Variants in QKI observed in about 807,000 individuals in gnomAD.
The protein encoded by QKI is QKI, KH domain containing RNA binding.
A neutral mutation model predicts 39.0 loss-of-function variants in QKI; 10 were observed. That is an observed-to-expected ratio of 0.26 (90% CI 0.16 to 0.43). The LOEUF is 0.43. QKI is among the 20% of genes least tolerant of loss of function. The pLI, the probability that QKI is intolerant of heterozygous loss-of-function variation, is 1.00. For missense variants in QKI, 218 were observed against 428.0 expected (o/e 0.51, Z 4.33); for synonymous variants, 204 against 155.4 (o/e 1.31, Z -2.33).
At chr6:163,448,652 G>A (rs1400749264) in intron 1 of QKI, among the ~76,000 whole-genome samples, 6 of 152,120 alleles carry the variant, frequency 3.9e-5, no homozygotes, top group African/African-American at 7.2e-5. Flanking sequence ...CAGGAGAATC[G>A]CTTGAACCCA....
At chr6:163,418,074 T>G (rs147466785) in intron 1 of QKI, among the ~76,000 whole-genome samples, 4 of 152,078 alleles carry the variant, frequency 2.6e-5, no homozygotes, top group Non-Finnish European at 5.9e-5. Flanking sequence ...ATCATGACTT[T>G]TGTTTCTGGT....
At position 163,570,821 on chromosome 6, in the gene QKI, G is replaced by GC; in HGVS notation, c.*112dup. The GC allele has an allele frequency of 7.2e-7, 1 of 1,397,350 alleles. No homozygotes were observed. 86.6% of individuals were successfully genotyped at this position (1,397,350 alleles called of 1,614,324 possible). A position where few individuals can be genotyped will look rare whatever the true frequency, so the allele number is the denominator to read the frequency against. The stretch of plus-strand genomic sequence containing the variant: ...TGCTTGCCTGTCGTCAGTGCAGCGA[G>GC]CTGAGGCACTTGTCCGTTCGTCTTA... On this transcript the variant is annotated 3_prime_UTR_variant, in exon 8 of 8. Transcript: ENST00000361752.
intron 3 of QKI, among the ~76,000 whole-genome samples, chr6:163,516,643 A>G (rs931689164): frequency 6.6e-6 from 1 of 151,992 alleles, no homozygotes; most frequent in Non-Finnish European, 1.5e-5. Context: ...CTTTCAATAT[A>G]CCTTTAATAC....
At chr6:163,546,217 T>G (rs1002520825) in intron 4 of QKI, among the ~76,000 whole-genome samples, 1 of 151,736 alleles carries the variant, frequency 6.6e-6, no homozygotes, top group African/African-American at 2.4e-5. Flanking sequence ...GGCGAGTGAT[T>G]TCTCAGTGTA....
chr6:163,528,349 T>A (rs1562515707), intron 3 of QKI, among the ~76,000 whole-genome samples: 1 of 152,172 alleles, frequency 6.6e-6, no homozygotes, highest in Non-Finnish European at 1.5e-5. Flanking sequence ...TTCACTATTT[T>A]ATGATGCTGT....
intron 3 of QKI, among the ~76,000 whole-genome samples, chr6:163,505,182 G>A (rs1454819199): frequency 1.3e-5 from 2 of 152,290 alleles, no homozygotes; most frequent in Admixed American, 1.3e-4. Flanking sequence ...TTCAGAGAAA[G>A]TATGGAAACG....
At chr6:163,473,847 T>C (rs1792382024) in intron 2 of QKI, among the ~76,000 whole-genome samples, 2 of 152,094 alleles carry the variant, frequency 1.3e-5, no homozygotes, top group Non-Finnish European at 2.9e-5. Flanking sequence ...AGAATAACCT[T>C]GATACCAAAA....
chr6:163,432,270 T>TC (rs1200485903), intron 1 of QKI, among the ~76,000 whole-genome samples: 1 of 152,192 alleles, frequency 6.6e-6, no homozygotes, highest in Non-Finnish European at 1.5e-5. Flanking sequence ...ACAAAGGCTC[T>TC]CCTAGGTAGT....
chr6:163,447,974 T>A (rs1449439302), intron 1 of QKI, among the ~76,000 whole-genome samples: 1 of 152,142 alleles, frequency 6.6e-6, no homozygotes, highest in African/African-American at 2.4e-5. Context: ...CTTTTTTGAC[T>A]TTGTTGTGTC....
intron 3 of QKI, among the ~76,000 whole-genome samples, chr6:163,480,300 T>C (rs528026647): frequency 2.0e-5 from 3 of 152,002 alleles, no homozygotes; most frequent in Non-Finnish European, 4.4e-5. Context: ...TTCCTTCCTT[T>C]CTTTCCATTG....
At chr6:163,501,470 C>T (rs555088140) in intron 3 of QKI, among the ~76,000 whole-genome samples, 1 of 152,302 alleles carries the variant, frequency 6.6e-6, no homozygotes, top group South Asian at 2.1e-4. Flanking sequence ...ACTAAGTGAA[C>T]TGTAGCTACT....
chr6:163,465,644 A>AG (rs1791684755), intron 2 of QKI, among the ~76,000 whole-genome samples: 2 of 148,706 alleles, frequency 1.3e-5, no homozygotes. Context: ...AAAAAAAAAA[A>AG]GTAAAAGACA....
chr6:163,515,266 A>C (rs1171403054), intron 3 of QKI, among the ~76,000 whole-genome samples: 3 of 152,176 alleles, frequency 2.0e-5, no homozygotes, highest in African/African-American at 7.2e-5. Context: ...CACACAAGTC[A>C]GTGTAAATAG....
At chr6:163,472,208 TTACAA>T (rs1792254680) in intron 2 of QKI, among the ~76,000 whole-genome samples, 1 of 152,142 alleles carries the variant, frequency 6.6e-6, no homozygotes, top group Admixed American at 6.5e-5. Context: ...CACTGTATTC[TTACAA>T]TAAAATAAGC....
At chr6:163,487,417 C>T (rs1777752031) in intron 3 of QKI, among the ~76,000 whole-genome samples, 1 of 152,140 alleles carries the variant, frequency 6.6e-6, no homozygotes, top group Non-Finnish European at 1.5e-5. Context: ...AAATAGAACT[C>T]TAATGATAAC....
chr6:163,444,659 C>T lies in QKI; in HGVS notation c.143-10620C>T, dbSNP rs565117301. Among the ~76,000 whole-genome samples, 19 of 152,128 alleles carry T rather than the reference C, an allele frequency of 1.2e-4. No individual in the cohort carries two copies. In the East Asian group the frequency reaches 1.7e-3, roughly 14 times the overall value. On this transcript the variant is annotated intron_variant, in intron 1 of 7. Transcript: ENST00000361752. ...GGATATTTATTTTGGAGAAGAGTAA[C>T]GAATATATTAAGCACTTATATTTAA...
intron 4 of QKI, among the ~76,000 whole-genome samples, chr6:163,553,028 A>G (rs1782347667): frequency 6.8e-6 from 1 of 147,132 alleles, no homozygotes; most frequent in Non-Finnish European, 1.5e-5. Flanking sequence ...ATTTTTAGAT[A>G]GTCATAATTT....
chr6:163,480,565 CTTA>C (rs1162823943), intron 3 of QKI, among the ~76,000 whole-genome samples: 5 of 152,042 alleles, frequency 3.3e-5, no homozygotes, highest in African/African-American at 1.2e-4. Context: ...ATTTAAAAAT[CTTA>C]TTATAATGTA....
chr6:163,548,061 C>T (rs1195990194), intron 4 of QKI, among the ~76,000 whole-genome samples: 2 of 152,086 alleles, frequency 1.3e-5, no homozygotes, highest in Admixed American at 6.6e-5. Flanking sequence ...TGTTTGTTTA[C>T]GTAGTGTATT....
Sources: gnomAD v4.1 joint callset for allele counts (sites outside exome capture counted in the v4.1 genomes callset) on GRCh38, gnomAD v4.1.1 for gene constraint, MANE v1.5 for transcripts, NCBI Gene and HGNC (gene_info 2026-07-23, HGNC 2026-07-21) for gene names.